The following STAG1 variants were observed in gnomAD, a reference collection of about 807,000 sequenced individuals.
The protein encoded by STAG1 is cohesin subunit SA-1.
A neutral mutation model predicts 170.9 loss-of-function variants in STAG1; 26 were observed. The observed-to-expected ratio is 0.15, with a 90% CI of 0.11 to 0.21. The LOEUF is 0.21. Ranked by LOEUF, STAG1 falls within the 10% of genes least tolerant of loss-of-function variation. The pLI, the probability that STAG1 is intolerant of heterozygous loss-of-function variation, is 1.00. For synonymous variants in STAG1, 514 were observed against 497.7 expected (o/e 1.03, Z -0.44); for missense variants, 964 against 1,509.5 (o/e 0.64, Z 5.99).
chr3:136,340,666 G>A, intron 31 of STAG1, 61 bp from the exon 32 acceptor site: 2 of 1,088,110 alleles, frequency 1.8e-6, no homozygotes, highest in Non-Finnish European at 2.8e-6. Context: ...AGTCCTGGCT[G>A]TTTCTCAGAT....
intron 13 of STAG1, among the ~76,000 whole-genome samples, chr3:136,459,984 A>T (rs761465549): frequency 7.2e-5 from 11 of 152,148 alleles, no homozygotes; most frequent in Non-Finnish European, 1.5e-4. Flanking sequence ...CAACAACAAC[A>T]TCAAAAAACA....
At chr3:136,363,527 A>C in intron 25 of STAG1, 60 bp from the exon 26 acceptor site, 2 of 646,378 alleles carry the variant, frequency 3.1e-6, no homozygotes, top group Non-Finnish European at 5.1e-6. Flanking sequence ...GAGATAAAGA[A>C]TAGGTTGGTG....
chr3:136,377,386 C>CAAAAAAAAAAAAAA (rs57934830), intron 23 of STAG1, among the ~76,000 whole-genome samples: 2,997 of 42,534 alleles, frequency 0.07, 964 homozygotes, highest in Middle Eastern at 0.15. Flanking sequence ...GACTCTGTCT[C>CAAAAAAAAAAAAAA]AAAAAAAAAA....
intron 1 of STAG1, among the ~76,000 whole-genome samples, chr3:136,687,424 C>T (rs186941307): frequency 6.3e-4 from 95 of 151,576 alleles, no homozygotes; most frequent in African/African-American, 2.3e-3. Context: ...TTTTTCTTTA[C>T]ATAATTTGAA....
At chr3:136,691,983 C>T (rs1000365161) in intron 1 of STAG1, among the ~76,000 whole-genome samples, 9 of 152,172 alleles carry the variant, frequency 5.9e-5, no homozygotes, top group Admixed American at 4.6e-4. Context: ...TAGTTACTCA[C>T]TGGTTTGAAC....
At chr3:136,475,608 C>A (rs979394741) in intron 10 of STAG1, among the ~76,000 whole-genome samples, 2 of 152,156 alleles carry the variant, frequency 1.3e-5, no homozygotes, top group African/African-American at 2.4e-5. Context: ...TTACTGAAGG[C>A]TGGATTGCTA....
At chr3:136,693,721 C>T (rs779651765) in intron 1 of STAG1, among the ~76,000 whole-genome samples, 1 of 152,010 alleles carries the variant, frequency 6.6e-6, no homozygotes, top group Non-Finnish European at 1.5e-5. Flanking sequence ...AGTGCACACC[C>T]CCATACTCAG....
chr3:136,660,864 G>C (rs546543798), intron 1 of STAG1, among the ~76,000 whole-genome samples: 1 of 152,126 alleles, frequency 6.6e-6, no homozygotes, highest in Admixed American at 6.6e-5. Flanking sequence ...AGCTACTCAG[G>C]AGGCTGAAGT....
chr3:136,514,897 C>T (rs1170617846), intron 7 of STAG1, among the ~76,000 whole-genome samples: 1 of 151,926 alleles, frequency 6.6e-6, no homozygotes, highest in Non-Finnish European at 1.5e-5. Context: ...GAACGTCACA[C>T]ACCAGGGCCT....
chr3:136,372,000 C>G (rs1412794329), intron 23 of STAG1, among the ~76,000 whole-genome samples: 3 of 152,150 alleles, frequency 2.0e-5, no homozygotes, highest in African/African-American at 7.2e-5. Flanking sequence ...ATGGAATGTT[C>G]TTCCACTTGT....
At chr3:136,736,858 TC>T (rs1934368715) in intron 1 of STAG1, 1 of 1,583,434 alleles carries the variant, frequency 6.3e-7, no homozygotes, top group African/African-American at 1.3e-5. Flanking sequence ...CACAGTGTGG[TC>T]AACGTATTCT....
chr3:136,422,080 G>A (rs2087974272), intron 19 of STAG1, among the ~76,000 whole-genome samples: 1 of 151,498 alleles, frequency 6.6e-6, no homozygotes, highest in African/African-American at 2.4e-5. Context: ...CTGGGAGGCG[G>A]AGGTTGCGGT....
Position 136,359,240 on chromosome 3 carries a change from A to G in STAG1, c.2844T>C (p.His948=), listed in dbSNP as rs935252575. 11 of 1,613,424 alleles carry G rather than the reference A, an allele frequency of 6.8e-6. No homozygotes were observed. The highest frequency in any genetic ancestry group is 9.3e-6 in the Non-Finnish European group (11 of 1,179,594). ...GTGCCAGTTCTTTAATGCCACTGACATGGGCAGATGTCCTATCTAGGTTGG... is the reference window on the plus strand; with the variant it reads ...GTGCCAGTTCTTTAATGCCACTGACGTGGGCAGATGTCCTATCTAGGTTGG... ...QGPNLDRTSA[H]VSGIKELARR... is the part of the protein sequence containing the mutation. The change falls in exon 27 of 34, where the codon CAT becomes CAC. Residue 948 remains histidine (H), a synonymous_variant. Transcript: ENST00000383202.
At chr3:136,693,738 ATT>A (rs36012928) in intron 1 of STAG1, among the ~76,000 whole-genome samples, 2 of 147,152 alleles carry the variant, frequency 1.4e-5, no homozygotes, top group African/African-American at 5.0e-5. Flanking sequence ...TCAGCTAATT[ATT>A]TTTTTTTTTT....
intron 7 of STAG1, among the ~76,000 whole-genome samples, chr3:136,518,886 C>T (rs1036821298): frequency 2.0e-5 from 3 of 151,650 alleles, no homozygotes; most frequent in African/African-American, 7.3e-5. Context: ...GCAGGTAGAC[C>T]GTGGAAAAGA....
At chr3:136,586,257 T>A (rs73863631) in intron 4 of STAG1, among the ~76,000 whole-genome samples, 1 of 150,496 alleles carries the variant, frequency 6.6e-6, no homozygotes, top group African/African-American at 2.4e-5. Flanking sequence ...CATATACATA[T>A]ACACACACAC....
intron 1 of STAG1, among the ~76,000 whole-genome samples, chr3:136,703,848 A>C (rs777325813): frequency 5.3e-5 from 8 of 151,832 alleles, no homozygotes; most frequent in Non-Finnish European, 1.0e-4. Context: ...GGTCTCTACT[A>C]AAAATACAAA....
chr3:136,501,142 T>C (rs765910572), intron 8 of STAG1, among the ~76,000 whole-genome samples: 2 of 152,250 alleles, frequency 1.3e-5, no homozygotes, highest in Non-Finnish European at 2.9e-5. Flanking sequence ...TTTCTGCAAC[T>C]TCCTCCAAGT....
intron 9 of STAG1, among the ~76,000 whole-genome samples, chr3:136,497,853 CAA>C (rs72492781): frequency 3.3e-5 from 4 of 121,210 alleles, no homozygotes; most frequent in African/African-American, 3.1e-5. Context: ...AGACTCATCT[CAA>C]AAAAAAAAAA....
Sources: allele counts gnomAD v4.1 joint callset (sites outside exome capture counted in the v4.1 genomes callset), GRCh38; gene constraint gnomAD v4.1.1; transcripts MANE v1.5; gene names NCBI Gene and HGNC (gene_info 2026-07-23, HGNC 2026-07-21).